The following UBR4 variants were observed in gnomAD, a reference collection of about 807,000 sequenced individuals.
The protein encoded by UBR4 is E3 ubiquitin-protein ligase UBR4.
In UBR4, 124 loss-of-function variants were observed where a neutral mutation model predicts 575.6. The observed-to-expected ratio is 0.22, with a 90% CI of 0.19 to 0.25. The LOEUF (loss-of-function observed/expected upper bound fraction) is 0.25, where lower values mean the gene tolerates loss of function less well. UBR4 is among the 10% of genes least tolerant of loss of function. The probability of loss-of-function intolerance (pLI) is 1.00; values close to 1 mark genes in which losing one functional copy is unlikely to be tolerated. For synonymous variants in UBR4, 2,455 were observed against 2,473.7 expected (o/e 0.99, Z 0.22); for missense variants, 4,818 against 6,478.8 (o/e 0.74, Z 8.80).
intron 81 of UBR4, among the ~76,000 whole-genome samples, chr1:19,108,860 C>T (rs1254500390): frequency 3.3e-5 from 5 of 152,192 alleles, no homozygotes; most frequent in African/African-American, 1.2e-4. Flanking sequence ...AAATTGTGAA[C>T]ATCCACACCA....
At chr1:19,148,476 T>C in intron 50 of UBR4, 87 bp downstream of exon 50, 3 of 1,489,506 alleles carry the variant, frequency 2.0e-6, no homozygotes, top group South Asian at 2.3e-5. Context: ...AAATGTTCTT[T>C]AGCTTCGAGG....
chr1:19,091,146 A>C (rs2077476371), intron 97 of UBR4, among the ~76,000 whole-genome samples: 1 of 152,200 alleles, frequency 6.6e-6, no homozygotes, highest in Admixed American at 6.5e-5. Flanking sequence ...TTGAGTTCCA[A>C]ACTCATTGTG....
intron 82 of UBR4, 25 bp downstream of exon 82, chr1:19,106,812 C>T (rs746937310): frequency 9.9e-6 from 16 of 1,608,248 alleles, no homozygotes; most frequent in African/African-American, 6.7e-5. Context: ...CAGGACTTCC[C>T]GGCGTCTTGA....
At chr1:19,169,094 G>A (rs1263857614) in intron 27 of UBR4, among the ~76,000 whole-genome samples, 1 of 152,134 alleles carries the variant, frequency 6.6e-6, no homozygotes, top group African/African-American at 2.4e-5. Context: ...AAAGGAAACA[G>A]AGTTAACACG....
chr1:19,080,561 C>T (rs536370469), intron 103 of UBR4: 3 of 152,198 alleles, frequency 2.0e-5, no homozygotes, highest in Non-Finnish European at 2.9e-5. Flanking sequence ...ATCACAAACC[C>T]GATCTTCCAG....
At chr1:19,156,089 G>A (rs2086412154) in intron 42 of UBR4, among the ~76,000 whole-genome samples, 182 bp downstream of exon 42, 1 of 152,114 alleles carries the variant, frequency 6.6e-6, no homozygotes, top group African/African-American at 2.4e-5. Flanking sequence ...ACAGCTCACT[G>A]CACCCTTGAA....
intron 19 of UBR4, 112 bp from the exon 20 acceptor site, chr1:19,176,839 G>A (rs1048463344): frequency 7.6e-6 from 9 of 1,189,034 alleles, no homozygotes; most frequent in Non-Finnish European, 1.0e-5. Context: ...GAATGTGGGT[G>A]TTCTACATTC....
chr1:19,187,323 G>A (rs1410534230), intron 12 of UBR4, 22 bp from the exon 13 acceptor site: 1 of 1,610,698 alleles, frequency 6.2e-7, no homozygotes, highest in Non-Finnish European at 8.5e-7. Flanking sequence ...GATATCAAAG[G>A]GCAATTAATG....
At chr1:19,129,437 G>A (rs773244948) in intron 60 of UBR4, among the ~76,000 whole-genome samples, 23 of 152,040 alleles carry the variant, frequency 1.5e-4, no homozygotes, top group Non-Finnish European at 1.8e-4. Context: ...TTTCTAATAT[G>A]TGGCCCTATT....
intron 8 of UBR4, among the ~76,000 whole-genome samples, chr1:19,194,631 A>AT (rs756884983): frequency 1.5e-4 from 23 of 152,060 alleles, no homozygotes; most frequent in Non-Finnish European, 2.5e-4. Flanking sequence ...GTGAAACCCC[A>AT]TCTCTACTAA....
rs555035084 is a variant in UBR4 at position 19,144,129 on chromosome 1, T to A, written c.8068-38A>T. On this transcript the variant is annotated intron_variant, in intron 54 of 105. Transcript: ENST00000375254. ...AGGAAACTGTCACGCTTTGCTCTCATATTATTCATGAAACTCTCTATAAAA... is the reference window on the plus strand; with the variant it reads ...AGGAAACTGTCACGCTTTGCTCTCAAATTATTCATGAAACTCTCTATAAAA... 3.2e-6 allele frequency: 5 copies of A among 1,575,936 alleles called. No individual in the cohort carries two copies. In the African/African-American group the frequency reaches 5.4e-5, roughly 17 times the overall value.
At chr1:19,097,535 G>A (rs1157791079) in intron 90 of UBR4, among the ~76,000 whole-genome samples, 2 of 152,194 alleles carry the variant, frequency 1.3e-5, no homozygotes, top group Non-Finnish European at 2.9e-5. Context: ...AATTTCATTA[G>A]AACACTATGT....
At chr1:19,175,976 T>C (rs182261917) in intron 20 of UBR4, among the ~76,000 whole-genome samples, 2 of 152,154 alleles carry the variant, frequency 1.3e-5, no homozygotes, top group East Asian at 1.9e-4. Context: ...AAAATAATTT[T>C]TGGTAGACGG....
chr1:19,126,799 T>C, intron 63 of UBR4, 144 bp from the exon 64 acceptor site: 1 of 855,448 alleles, frequency 1.2e-6, no homozygotes, highest in Non-Finnish European at 1.8e-6. Context: ...GCACTGAAAC[T>C]TCCCCAAGGA....
chr1:19,165,625 T>C (rs1176857085), intron 30 of UBR4, 31 bp downstream of exon 30: 1 of 1,597,592 alleles, frequency 6.3e-7, no homozygotes, highest in Non-Finnish European at 8.5e-7. Flanking sequence ...ATTCAAAAAA[T>C]ATTCACTGAA....
intron 32 of UBR4, 75 bp from the exon 33 acceptor site, chr1:19,164,516 AATTAAAC>A (rs1224691900): frequency 2.1e-6 from 3 of 1,460,724 alleles, no homozygotes; most frequent in Non-Finnish European, 2.8e-6. Flanking sequence ...GGAAGTTTTA[AATTAAAC>A]ATTAAATACA....
Position 19,094,056 on chromosome 1 carries a change from G to C in UBR4, c.13830C>G (p.Pro4610=), listed in dbSNP as rs753890428. 2 of 1,614,132 alleles carry C rather than the reference G, an allele frequency of 1.2e-6. No homozygotes were observed. Among genetic ancestry groups the C allele is most frequent in the South Asian group, 2.2e-5 (2 of 91,070 alleles). The part of the protein sequence containing the change: ...QINSTFVRSN[P]SVLQGLLRII... ...TGCGAAGCAGGCCCTGGAGCACACT[G>C]GGGTTGGAGCGAACAAAGGTGCTGT... is the stretch of plus-strand genomic sequence containing the variant. The change falls in exon 95 of 106, where the codon CCC becomes CCG. Residue 4610 remains proline, a synonymous_variant. Coordinates refer to ENST00000375254, the MANE Select transcript of UBR4 (RefSeq NM_020765.3).
rs769668795 is a variant in UBR4 at position 19,160,986 on chromosome 1, G to A, written c.5337C>T (p.Asp1779=). ...KVTISDGKVA[D]EEKPKKSSLC... is the part of the protein sequence containing the mutation. ...GGCTGCTCTTCTTGGGCTTCTCTTC[G>A]TCAGCAACCTTTCCATCACTGATGG... Residue 1779 remains aspartate (D), a synonymous_variant, in exon 38 of 106, where the codon GAC becomes GAT. Coordinates refer to ENST00000375254, the MANE Select transcript of UBR4 (RefSeq NM_020765.3). 1.8e-5 allele frequency: 29 copies of A among 1,614,096 alleles called. No homozygotes were observed. The highest frequency in any genetic ancestry group is 1.6e-4 in the South Asian group (15 of 91,072).
At chr1:19,193,766 C>T (rs181963496) in intron 8 of UBR4, among the ~76,000 whole-genome samples, 3,225 of 152,130 alleles carry the variant, frequency 0.021, 41 homozygotes, top group Middle Eastern at 0.034. Context: ...AACTTACACG[C>T]GCGCACACAC....
Sources: gnomAD v4.1 joint callset for allele counts (sites outside exome capture counted in the v4.1 genomes callset) on GRCh38, gnomAD v4.1.1 for gene constraint, MANE v1.5 for transcripts, NCBI Gene and HGNC (gene_info 2026-07-23, HGNC 2026-07-21) for gene names.